NIBAN3: variants seen among roughly 807,000 people sequenced by gnomAD.
The protein encoded by NIBAN3 is protein Niban 3.
A neutral mutation model predicts 76.4 loss-of-function variants in NIBAN3; 66 were observed. The ratio of observed to expected loss-of-function variants is 0.86; its 90% CI spans 0.71 to 1.06. The LOEUF is 1.06. Among genes scored for constraint, NIBAN3 ranks in the 50% least tolerant of loss-of-function variants. NIBAN3 has a pLI of 0.00. For missense variants in NIBAN3, 808 were observed against 810.7 expected (o/e 1.00, Z 0.04); for synonymous variants, 360 against 355.2 (o/e 1.01, Z -0.15).
chr19:17,540,923 TG>T (rs2075938752), intron 9 of NIBAN3, among the ~76,000 whole-genome samples: 1 of 152,096 alleles, frequency 6.6e-6, no homozygotes, highest in Non-Finnish European at 1.5e-5. Flanking sequence ...TTTGTAGAGA[TG>T]GGGGTCTTGC....
At chr19:17,555,493 C>T (rs1215719716), downstream of NIBAN3, 1 of 296,162 alleles carries the variant, frequency 3.4e-6, no homozygotes. Context: ...GCGCTATGTG[C>T]CTTTAAGATC....
intron 3 of NIBAN3, among the ~76,000 whole-genome samples, chr19:17,533,239 G>A (rs1025742874): frequency 4.6e-5 from 7 of 151,986 alleles, no homozygotes; most frequent in Admixed American, 1.3e-4. Flanking sequence ...GCGAAACCCC[G>A]TCTCAATTAA....
chr19:17,523,571 T>C, upstream of NIBAN3: 1 of 854,746 alleles, frequency 1.2e-6, no homozygotes. Flanking sequence ...GAAGGGAAAT[T>C]GAGCTGCCAG....
Position 17,542,404 on chromosome 19 carries a change from G to T in NIBAN3, c.1329+110G>T. 1.7e-6 allele frequency: 2 copies of T among 1,207,170 alleles called. No homozygotes were observed. Among genetic ancestry groups the T allele is most frequent in the Non-Finnish European group, 2.3e-6 (2 of 872,096 alleles). The allele number at this position is 1,207,170 out of a possible 1,614,324, so 74.8% of individuals were successfully genotyped here. A position where few individuals can be genotyped will look rare whatever the true frequency, so the allele number is the denominator to read the frequency against. On this transcript the variant is annotated intron_variant, in intron 10 of 14. Coordinates refer to ENST00000599164, the MANE Select transcript of NIBAN3 (RefSeq NM_001321827.2). This position sits in a 1 kb window ranked among gnomAD's most constrained non-coding sequence, Gnocchi z 4.8. ...ACGATGATCGAGACAACTCCGCGGG[G>T]CTGCCAGTCTCATGGGGACATGAGC...
At chr19:17,527,223 G>A (rs564902992), upstream of NIBAN3, 75 of 1,547,688 alleles carry the variant, frequency 4.8e-5, no homozygotes, top group South Asian at 8.3e-5. Context: ...GGGCAGGGGC[G>A]GGGCCTCTGA....
chr19:17,533,470 G>C (rs2144692103), intron 3 of NIBAN3, 117 bp from the exon 4 acceptor site: 1 of 620,658 alleles, frequency 1.6e-6, no homozygotes, highest in East Asian at 2.9e-5. Flanking sequence ...GGAGGGAGGG[G>C]TGGGAGGGGC....
chr19:17,548,437 C>T (rs73922232), intron 13 of NIBAN3, among the ~76,000 whole-genome samples: 265 of 152,050 alleles, frequency 1.7e-3, no homozygotes, highest in African/African-American at 6.2e-3. Context: ...AGGACAGGCC[C>T]GAGCAGGGGC....
upstream of NIBAN3, among the ~76,000 whole-genome samples, chr19:17,526,740 G>A (rs1302627686): frequency 1.3e-5 from 2 of 151,296 alleles, no homozygotes; most frequent in Non-Finnish European, 2.9e-5. Context: ...CAAGGATGAA[G>A]CTTCAGTGCC....
chr19:17,539,578 GT>G (rs1346146923), intron 7 of NIBAN3, 24 bp from the exon 8 acceptor site: 2 of 1,511,300 alleles, frequency 1.3e-6, no homozygotes, highest in South Asian at 1.3e-5. Context: ...TCTCGGCTTT[GT>G]CCCCCCTCGA....
intron 5 of NIBAN3, among the ~76,000 whole-genome samples, chr19:17,538,897 G>C (rs1006998359): frequency 6.6e-6 from 1 of 152,256 alleles, no homozygotes; most frequent in African/African-American, 2.4e-5. Flanking sequence ...GGAACAGCTA[G>C]TGGCTGCAGT....
chr19:17,548,569 G>A (rs945893407), intron 13 of NIBAN3, among the ~76,000 whole-genome samples: 1 of 152,140 alleles, frequency 6.6e-6, no homozygotes, highest in Non-Finnish European at 1.5e-5. Context: ...GAAGGTGTGT[G>A]GAGAACAGAG....
At position 17,540,596 on chromosome 19, in the gene NIBAN3, G is replaced by GCTACAC; in HGVS notation, c.1170+14_1170+15insCTACAC. The GCTACAC allele has an allele frequency of 6.8e-7, 1 of 1,466,904 alleles. No individual in the cohort carries two copies. The highest frequency in any genetic ancestry group is 9.0e-7 in the Non-Finnish European group (1 of 1,105,580). 90.9% of individuals were successfully genotyped at this position (1,466,904 alleles called of 1,614,324 possible). A position where few individuals can be genotyped will look rare whatever the true frequency, so the allele number is the denominator to read the frequency against. ...CTGCGCAGGGAGGTGAGCTCCCGTGGGTAGGGGTTCAGTGAGCCAGAGGGT... is the reference window on the plus strand; with the variant it reads ...CTGCGCAGGGAGGTGAGCTCCCGTGGCTACACGTAGGGGTTCAGTGAGCCAGAGGGT... On this transcript the variant is annotated intron_variant, in intron 9 of 14. Coordinates refer to ENST00000599164, the MANE Select transcript of NIBAN3 (RefSeq NM_001321827.2).
At chr19:17,541,026 G>A (rs544118530) in intron 9 of NIBAN3, among the ~76,000 whole-genome samples, 3 of 152,142 alleles carry the variant, frequency 2.0e-5, no homozygotes, top group East Asian at 1.9e-4. Context: ...TTGAGCCACC[G>A]CACTGGCCAT....
chr19:17,549,664 G>C, intron 14 of NIBAN3, 137 bp downstream of exon 14: 1 of 756,224 alleles, frequency 1.3e-6, no homozygotes, highest in Non-Finnish European at 2.3e-6. Context: ...TCCTTACCCA[G>C]CCAGCCTGGC....
intron 5 of NIBAN3, among the ~76,000 whole-genome samples, chr19:17,538,863 G>C (rs2075879311): frequency 6.6e-6 from 1 of 152,208 alleles, no homozygotes; most frequent in Non-Finnish European, 1.5e-5. Flanking sequence ...GCAGGTTGTT[G>C]ACTGCACAAA....
intron 4 of NIBAN3, among the ~76,000 whole-genome samples, chr19:17,534,660 G>A (rs141961365): frequency 0.03 from 4,539 of 151,984 alleles, 86 homozygotes; most frequent in Non-Finnish European, 0.046. Flanking sequence ...TTGTGGTGGC[G>A]GGCACCTGTA....
intron 14 of NIBAN3, among the ~76,000 whole-genome samples, chr19:17,550,303 CT>C (rs1359564335): frequency 1.3e-5 from 2 of 152,104 alleles, no homozygotes; most frequent in Non-Finnish European, 2.9e-5. Context: ...AATACACTTC[CT>C]AGCTGATCTG....
At chr19:17,550,843 C>CTTTTTTTTT (rs10690901) in intron 14 of NIBAN3, among the ~76,000 whole-genome samples, 3 of 91,550 alleles carry the variant, frequency 3.3e-5, no homozygotes, top group African/African-American at 8.1e-5. Context: ...CTTGTACATA[C>CTTTTTTTTT]TTTTTTTTTT....
At chr19:17,527,260 G>A (rs1275346787), upstream of NIBAN3, 23 of 1,550,108 alleles carry the variant, frequency 1.5e-5, no homozygotes, top group African/African-American at 6.8e-5. Flanking sequence ...CCTCTCACCC[G>A]CCATCCAGGT....
Sources: gnomAD v4.1 joint callset for allele counts (sites outside exome capture counted in the v4.1 genomes callset) on GRCh38, gnomAD v4.1.1 for gene constraint, Gnocchi (gnomAD v3.1) non-coding constraint, MANE v1.5 for transcripts, NCBI Gene and HGNC (gene_info 2026-07-23, HGNC 2026-07-21) for gene names.